ABCA4: variants seen among roughly 807,000 people sequenced by gnomAD.
ABCA4 encodes the protein retinal-specific phospholipid-transporting ATPase ABCA4.
ABCA4 carries 196 observed loss-of-function variants against 263.7 expected under a neutral mutation model. The observed-to-expected ratio is 0.74, with a 90% CI of 0.66 to 0.84. The LOEUF (loss-of-function observed/expected upper bound fraction) is 0.84, where lower values mean the gene tolerates loss of function less well. ABCA4 is among the 40% of genes least tolerant of loss of function. ABCA4 has a pLI of 0.00. For synonymous variants in ABCA4, 1,133 were observed against 1,094.2 expected, an observed-to-expected ratio of 1.04 and a Z score of -0.70; for missense variants, 2,792 against 2,855.1, an observed-to-expected ratio of 0.98 and a Z score of 0.50.
At chr1:94,079,758 G>C (rs944451705) in intron 8 of ABCA4, among the ~76,000 whole-genome samples, 2 of 152,188 alleles carry the variant, frequency 1.3e-5, no homozygotes, top group Non-Finnish European at 2.9e-5. Context: ...GCTAGGAACT[G>C]AGGCCTTTCT....
At chr1:94,045,122 C>T (rs1252644433) in intron 19 of ABCA4, among the ~76,000 whole-genome samples, 3 of 152,232 alleles carry the variant, frequency 2.0e-5, no homozygotes, top group African/African-American at 4.8e-5. Context: ...GAGGCGTTGC[C>T]TCCTGGGTGA....
intron 1 of ABCA4, among the ~76,000 whole-genome samples, chr1:94,117,027 C>CTTTCTTTCTTTCTTTCTTTCT: frequency 2.2e-5 from 1 of 45,322 alleles, no homozygotes; most frequent in East Asian, 5.6e-4. Flanking sequence ...TCTTTCTTTC[C>CTTTCTTTCTTTCTTTCTTTCT]TTTTCTTTCT....
intron 24 of ABCA4, 106 bp from the exon 25 acceptor site, chr1:94,037,456 G>T (rs1180971668): frequency 4.9e-6 from 5 of 1,023,942 alleles, no homozygotes; most frequent in Non-Finnish European, 7.5e-6. Context: ...TGAAGAAGAG[G>T]TATTTTGTAT....
intron 43 of ABCA4, among the ~76,000 whole-genome samples, chr1:94,007,067 G>A (rs1301902776): frequency 6.6e-6 from 1 of 152,174 alleles, no homozygotes; most frequent in African/African-American, 2.4e-5. Flanking sequence ...CCTTGGTCTG[G>A]CAAAGCCAAA....
intron 13 of ABCA4, among the ~76,000 whole-genome samples, chr1:94,061,612 G>A (rs1661131878): frequency 6.6e-6 from 1 of 152,152 alleles, no homozygotes; most frequent in Admixed American, 6.5e-5. Flanking sequence ...AGCCACCAGA[G>A]GACTCTCCCA....
chr1:94,066,321 G>T (rs1307874097), intron 11 of ABCA4, among the ~76,000 whole-genome samples: 1 of 152,168 alleles, frequency 6.6e-6, no homozygotes, highest in Non-Finnish European at 1.5e-5. Context: ...ATTTAAATTT[G>T]CTTTAGGGAG....
At chr1:94,037,085 T>G (rs542873690) in intron 25 of ABCA4, 60 bp downstream of exon 25, 2 of 1,570,370 alleles carry the variant, frequency 1.3e-6, no homozygotes, top group Non-Finnish European at 1.8e-6. Flanking sequence ...AATGTTAGAC[T>G]TTTTCAAAGA....
At chr1:94,116,557 T>G (rs187304735) in intron 1 of ABCA4, among the ~76,000 whole-genome samples, 105 of 151,914 alleles carry the variant, frequency 6.9e-4, no homozygotes, top group African/African-American at 2.3e-3. Context: ...GTGTTTGTTT[T>G]TGGCGGGGGG....
At chr1:94,002,218 T>A (rs544793353) in intron 44 of ABCA4, among the ~76,000 whole-genome samples, 1 of 152,316 alleles carries the variant, frequency 6.6e-6, no homozygotes, top group South Asian at 2.1e-4. Flanking sequence ...CTGCTCAGCA[T>A]CTGTTGGGTG....
chr1:94,074,325 A>T (rs1661481559), intron 11 of ABCA4, among the ~76,000 whole-genome samples: 1 of 152,196 alleles, frequency 6.6e-6, no homozygotes, highest in South Asian at 2.1e-4. Flanking sequence ...TAGAAAACTT[A>T]AACTGGATCC....
At chr1:94,043,532 T>C (rs1270240716) in intron 20 of ABCA4, 57 bp from the exon 21 acceptor site, 2 of 1,607,610 alleles carry the variant, frequency 1.2e-6, no homozygotes, top group Non-Finnish European at 1.7e-6. Context: ...TTCCAGCAGC[T>C]GATCTTACAG....
chr1:93,998,150 G>T, intron 47 of ABCA4, 40 bp from the exon 48 acceptor site: 1 of 1,613,670 alleles, frequency 6.2e-7, no homozygotes, highest in Non-Finnish European at 8.5e-7. Flanking sequence ...CTCTGTTAGT[G>T]GTTGGGCCTA....
Position 94,019,582 on chromosome 1 carries a change from G to T in ABCA4, c.5196C>A (p.Ile1732=). ...TYWVTNFLWD[I]MNYSVSAGLV... ...GGAGGCGCTGTAAACTGACACTTAC[G>T]ATGTCCCAGAGGAAGTTGGTCACCC... The change falls in exon 36 of 50, where the codon ATC becomes ATA. Residue 1732 remains isoleucine, a splice_region_variant and synonymous_variant. Transcript: ENST00000370225. 6.2e-7 allele frequency: 1 copy of T among 1,602,346 alleles called. No individual in the cohort carries two copies. Among genetic ancestry groups the T allele is most frequent in the East Asian group, 2.2e-5 (1 of 44,454 alleles).
At chr1:94,091,636 T>G (rs1275947231) in intron 6 of ABCA4, among the ~76,000 whole-genome samples, 1 of 148,640 alleles carries the variant, frequency 6.7e-6, no homozygotes, top group Non-Finnish European at 1.5e-5. Context: ...CAATTTCCTA[T>G]GCCAAATAAG....
Position 94,031,087 on chromosome 1 carries a change from G to A in ABCA4, c.4162C>T (p.Leu1388=). 5 of 1,614,148 alleles carry A rather than the reference G, an allele frequency of 3.1e-6. No individual in the cohort carries two copies. The highest frequency in any genetic ancestry group is 4.2e-6 in the Non-Finnish European group (5 of 1,180,018). The change falls in exon 28 of 50, where the codon CTG becomes TTG. Residue 1388 remains leucine, a synonymous_variant. Coordinates refer to ENST00000370225, the MANE Select transcript of ABCA4 (RefSeq NM_000350.3). ...GGAGGGATAACAATAGAAAGCATCA[G>A]AGCCAAAAACACAAAGGTAGCCGGG... ...VLPATFVFLA[L]MLSIVIPPFG... is the part of the protein sequence containing the mutation.
rs1659051890 is a variant in ABCA4, at chr1:93,997,881, T to G, written c.6709A>C (p.Thr2237Pro). 4 of 1,614,016 alleles carry G rather than the reference T, an allele frequency of 2.5e-6. No homozygotes were observed. The highest frequency in any genetic ancestry group is 3.4e-6 in the Non-Finnish European group (4 of 1,180,012). The change falls in exon 48 of 50, where the codon ACA becomes CCA. Residue 2237 changes from threonine (T) to proline (P), a missense_variant. Transcript: ENST00000370225. Reference protein sequence around the residue: ...DSLLIEEYSVTQTTLDQVFVN... With the variant: ...DSLLIEEYSVPQTTLDQVFVN... Reference sequence around the variant, plus strand: ...CTTGCCTGGTCCAGTGTGGTCTGTGTGACTGAGTACTCCTCGATGAGCAGG... The same window carrying G: ...CTTGCCTGGTCCAGTGTGGTCTGTGGGACTGAGTACTCCTCGATGAGCAGG...
At chr1:94,066,803 T>C (rs1661280374) in intron 11 of ABCA4, among the ~76,000 whole-genome samples, 1 of 152,246 alleles carries the variant, frequency 6.6e-6, no homozygotes, top group Non-Finnish European at 1.5e-5. Flanking sequence ...CAGAGCAGCA[T>C]TGTTCAGTAG....
At chr1:94,030,859 C>T (rs1660178490) in intron 28 of ABCA4, 137 bp downstream of exon 28, 12 of 1,328,984 alleles carry the variant, frequency 9.0e-6, no homozygotes, top group Non-Finnish European at 1.1e-6. Context: ...TTCCTTTCTG[C>T]AGGCAGCCCA....
intron 17 of ABCA4, among the ~76,000 whole-genome samples, chr1:94,050,846 A>G (rs1570381904): frequency 6.6e-6 from 1 of 152,370 alleles, no homozygotes; most frequent in Non-Finnish European, 1.5e-5. Context: ...TGCTTGCAGG[A>G]TAAGTCCTGG....
Sources: allele counts gnomAD v4.1 joint callset (sites outside exome capture counted in the v4.1 genomes callset), GRCh38; gene constraint gnomAD v4.1.1; transcripts MANE v1.5; gene names NCBI Gene and HGNC (gene_info 2026-07-23, HGNC 2026-07-21).